Variants in AKAP13 observed in about 807,000 individuals in gnomAD.
The protein encoded by AKAP13 is A-kinase anchoring protein 13, also known as A-kinase anchor protein 13.
Under a neutral mutation model 264.5 loss-of-function variants are expected in AKAP13, and 80 were observed. The ratio of observed to expected loss-of-function variants is 0.30; its 90% confidence interval spans 0.25 to 0.36. The LOEUF is 0.36. Ranked by LOEUF, AKAP13 falls within the 10% of genes least tolerant of loss-of-function variation. The probability of loss-of-function intolerance (pLI) is 1.00; values close to 1 mark genes in which losing one functional copy is unlikely to be tolerated. For synonymous variants in AKAP13, 1,380 were observed against 1,250.2 expected, an observed-to-expected ratio of 1.10 and a Z score of -2.19; for missense variants, 3,712 against 3,435.2, an observed-to-expected ratio of 1.08 and a Z score of -2.01.
intron 12 of AKAP13, among the ~76,000 whole-genome samples, chr15:85,662,793 A>C (rs771864431): frequency 2.0e-5 from 3 of 152,236 alleles, no homozygotes; most frequent in Non-Finnish European, 4.4e-5. Context: ...GCAGCTAATA[A>C]GATGCACTGA....
At chr15:85,549,040 ATTTTCTTTTCC>A (rs2077858677) in intron 5 of AKAP13, among the ~76,000 whole-genome samples, 1 of 151,786 alleles carries the variant, frequency 6.6e-6, no homozygotes, top group South Asian at 2.1e-4. Context: ...CCTTTCTTTA[ATTTTCTTTTCC>A]TTCTAATGCC....
At chr15:85,464,812 C>T (rs370866566) in intron 1 of AKAP13, among the ~76,000 whole-genome samples, 1 of 152,164 alleles carries the variant, frequency 6.6e-6, no homozygotes, top group East Asian at 1.9e-4. Context: ...AATTGCTTAC[C>T]CCGTCCCTTT....
intron 20 of AKAP13, chr15:85,717,063 G>C: frequency 2.2e-6 from 1 of 453,516 alleles, no homozygotes. Context: ...TCTTTAAAAA[G>C]GCTCAAAAAG....
At chr15:85,406,785 T>G (rs1464920521) in intron 1 of AKAP13, among the ~76,000 whole-genome samples, 1 of 151,756 alleles carries the variant, frequency 6.6e-6, no homozygotes, top group Non-Finnish European at 1.5e-5. Flanking sequence ...ACATTTTGTG[T>G]TAGGAGAACA....
intron 7 of AKAP13, among the ~76,000 whole-genome samples, chr15:85,583,714 G>C (rs2079217875): frequency 6.6e-6 from 1 of 152,154 alleles, no homozygotes; most frequent in African/African-American, 2.4e-5. Context: ...AACTCTGTGG[G>C]GATTGTGTCT....
intron 17 of AKAP13, among the ~76,000 whole-genome samples, chr15:85,697,552 T>C (rs1221577858): frequency 6.6e-6 from 1 of 151,810 alleles, no homozygotes; most frequent in African/African-American, 2.4e-5. Context: ...CTGGGTGACA[T>C]AGCGAGACTC....
chr15:85,684,468 G>T, intron 15 of AKAP13: 1 of 262,148 alleles, frequency 3.8e-6, no homozygotes, highest in Non-Finnish European at 7.2e-6. Context: ...AGAGGCTGAG[G>T]CAGGAAGATT....
chr15:85,583,965 A>G (rs898727944), intron 7 of AKAP13, among the ~76,000 whole-genome samples: 3 of 152,154 alleles, frequency 2.0e-5, no homozygotes, highest in African/African-American at 7.2e-5. Flanking sequence ...CTGCAGAGGA[A>G]CTCTGTATTG....
chr15:85,526,745 G>T (rs1432680996), intron 3 of AKAP13, among the ~76,000 whole-genome samples: 2 of 152,096 alleles, frequency 1.3e-5, no homozygotes, highest in African/African-American at 2.4e-5. Context: ...GCCTGTCAAG[G>T]TAATCAGTTA....
intron 7 of AKAP13, among the ~76,000 whole-genome samples, chr15:85,584,679 C>A (rs932597272): frequency 6.6e-6 from 1 of 152,174 alleles, no homozygotes; most frequent in Non-Finnish European, 1.5e-5. Flanking sequence ...AAATGTAACT[C>A]TTACAAATTT....
At chr15:85,693,546 C>T in intron 17 of AKAP13, 95 bp downstream of exon 17, 1 of 1,547,336 alleles carries the variant, frequency 6.5e-7, no homozygotes, top group Non-Finnish European at 8.7e-7. Context: ...ATCTGTTCCT[C>T]ATTTATGTGG....
chr15:85,504,534 A>AAAAAAAAAAAAAAAAAT (rs2076144290), intron 2 of AKAP13, among the ~76,000 whole-genome samples: 1 of 129,208 alleles, frequency 7.7e-6, no homozygotes, highest in Non-Finnish European at 1.7e-5. Flanking sequence ...AAAAAAAAAA[A>AAAAAAAAAAAAAAAAAT]AGAAAAAATT....
intron 3 of AKAP13, among the ~76,000 whole-genome samples, chr15:85,529,188 T>A (rs7163032): frequency 0.52 from 79,199 of 151,962 alleles, 21,063 homozygotes; most frequent in Middle Eastern, 0.62. Context: ...TTGGGAGGCC[T>A]AGGCGGGCGG....
chr15:85,566,005 GAACATAGGTGCATGGT>G (rs1285253967), intron 5 of AKAP13, among the ~76,000 whole-genome samples: 2 of 152,196 alleles, frequency 1.3e-5, no homozygotes, highest in Non-Finnish European at 2.9e-5. Context: ...CATACTTTGG[GAACATAGGTGCATGGT>G]AACATTGGTG....
chr15:85,599,205 G>C (rs2079947804), intron 8 of AKAP13, among the ~76,000 whole-genome samples: 1 of 152,174 alleles, frequency 6.6e-6, no homozygotes, highest in African/African-American at 2.4e-5. Context: ...TTAAATCCTG[G>C]CTTTCCTGAC....
At position 85,748,433 on chromosome 15, in the gene AKAP13, A is replaced by C. The variant is rs1215390538; in HGVS notation, c.*3756A>C. 6.6e-6 allele frequency: 1 copy of C among 152,202 alleles called. No individual in the cohort carries two copies. Among genetic ancestry groups the C allele is most frequent in the Non-Finnish European group, 1.5e-5 (1 of 68,042 alleles). The allele number at this position is 152,202 out of a possible 1,614,324, so 9.4% of individuals were successfully genotyped here. ...GTGTGCCTTGCCTTCCTTCAGCAGG[A>C]CCGTCTAGGTGCGCAGCCACCTATG... On this transcript the variant is annotated 3_prime_UTR_variant, in exon 37 of 37. Coordinates refer to ENST00000394518, the MANE Select transcript of AKAP13 (RefSeq NM_007200.5).
At chr15:85,453,428 T>G (rs2074163916) in intron 1 of AKAP13, among the ~76,000 whole-genome samples, 1 of 152,200 alleles carries the variant, frequency 6.6e-6, no homozygotes, top group Non-Finnish European at 1.5e-5. Flanking sequence ...CACCTCAGAT[T>G]TTCCAGAATC....
chr15:85,685,711 C>G (rs1404209258), intron 16 of AKAP13, among the ~76,000 whole-genome samples: 1 of 152,128 alleles, frequency 6.6e-6, no homozygotes, highest in African/African-American at 2.4e-5. Flanking sequence ...CTAGGCCGGT[C>G]TAATGCCTTA....
At chr15:85,712,384 C>T (rs563434806) in intron 19 of AKAP13, among the ~76,000 whole-genome samples, 1 of 152,302 alleles carries the variant, frequency 6.6e-6, no homozygotes, top group Admixed American at 6.5e-5. Context: ...CTTACCCATT[C>T]CACATACTTT....
Sources: allele counts gnomAD v4.1 joint callset (sites outside exome capture counted in the v4.1 genomes callset), GRCh38; gene constraint gnomAD v4.1.1; transcripts MANE v1.5; gene names NCBI Gene and HGNC (gene_info 2026-07-23, HGNC 2026-07-21).